The following SLC9D1 variants were observed in gnomAD, a reference collection of about 807,000 sequenced individuals.
The protein encoded by SLC9D1 is putative LAG1-interacting protein.
the SLC9D1 span, among the ~76,000 whole-genome samples, chr13:113,548,035 CG>C: frequency 4.8e-5 from 1 of 20,622 alleles, no homozygotes; most frequent in Non-Finnish European, 1.3e-4. Flanking sequence ...GGGGCGGGGG[CG>C]GGGGGGCTTG....
chr13:113,511,859 G>C, the SLC9D1 span: 1 of 152,334 alleles, frequency 6.6e-6, no homozygotes, highest in Non-Finnish European at 1.5e-5. Context: ...CTTATGGACA[G>C]AGAAGCTTCA....
At chr13:113,512,021 G>C in the SLC9D1 span, 1 of 146,000 alleles carries the variant, frequency 6.8e-6, no homozygotes, top group African/African-American at 2.6e-5. Context: ...CGCGGGGGCC[G>C]GGACTGGAGA....
chr13:113,530,233 T>C, the SLC9D1 span: 1 of 152,206 alleles, frequency 6.6e-6, no homozygotes, highest in East Asian at 1.9e-4. Flanking sequence ...GAGGAAGTGC[T>C]GATGGGTACA....
the SLC9D1 span, among the ~76,000 whole-genome samples, chr13:113,494,658 A>G: frequency 6.6e-6 from 1 of 151,142 alleles, no homozygotes; most frequent in Admixed American, 6.6e-5. Flanking sequence ...ATTGTGGCAT[A>G]TATATATATA....
the SLC9D1 span, among the ~76,000 whole-genome samples, chr13:113,496,272 T>C: frequency 6.6e-6 from 1 of 152,246 alleles, no homozygotes; most frequent in East Asian, 1.9e-4. Flanking sequence ...CTCTTACTTC[T>C]AGAAGGAGCC....
At chr13:113,521,904 C>T in the SLC9D1 span, among the ~76,000 whole-genome samples, 1 of 152,140 alleles carries the variant, frequency 6.6e-6, no homozygotes. Flanking sequence ...TGCTTTAGAT[C>T]TAATCTCCAG....
At chr13:113,515,833 G>T in the SLC9D1 span, among the ~76,000 whole-genome samples, 1 of 144,750 alleles carries the variant, frequency 6.9e-6, no homozygotes, top group Non-Finnish European at 1.5e-5. Flanking sequence ...AGAGTTTGCA[G>T]TGAGCCGAGA....
the SLC9D1 span, chr13:113,499,893 G>C: frequency 1.0e-6 from 1 of 993,834 alleles, no homozygotes; most frequent in Non-Finnish European, 1.4e-6. Context: ...TCTGTTTAGC[G>C]TTCATTCTCC....
At chr13:113,541,378 C>A in the SLC9D1 span, among the ~76,000 whole-genome samples, 1 of 126,720 alleles carries the variant, frequency 7.9e-6, no homozygotes, top group African/African-American at 3.2e-5. Flanking sequence ...TATTACTGCC[C>A]AGATGTGTGG....
At chr13:113,500,770 A>G in the SLC9D1 span, among the ~76,000 whole-genome samples, 1 of 152,324 alleles carries the variant, frequency 6.6e-6, no homozygotes, top group African/African-American at 2.4e-5. Flanking sequence ...AGGTTTGTAC[A>G]GGAGCAGAAA....
chr13:113,493,527 ATTGT>A, the SLC9D1 span, among the ~76,000 whole-genome samples: 1 of 152,188 alleles, frequency 6.6e-6, no homozygotes, highest in Admixed American at 6.5e-5. Context: ...TGATTGCCTC[ATTGT>A]TTGTTTTTAA....
chr13:113,514,419 T>C, the SLC9D1 span: 2 of 152,202 alleles, frequency 1.3e-5, no homozygotes, highest in Non-Finnish European at 2.9e-5. Flanking sequence ...ACCTAAATGA[T>C]GAACAAAAAG....
At chr13:113,545,087 C>T in the SLC9D1 span, among the ~76,000 whole-genome samples, 2 of 152,358 alleles carry the variant, frequency 1.3e-5, no homozygotes, top group Admixed American at 6.5e-5. Flanking sequence ...TGGGAGCTGC[C>T]TTGCTGTTGG....
chr13:113,544,268 C>T, the SLC9D1 span, among the ~76,000 whole-genome samples: 4 of 152,208 alleles, frequency 2.6e-5, no homozygotes, highest in Admixed American at 6.5e-5. Context: ...GCTTCTGAGT[C>T]GAGGCTGCAT....
At chr13:113,549,813 C>CTTT in the SLC9D1 span, 1 of 477,386 alleles carries the variant, frequency 2.1e-6, no homozygotes, top group South Asian at 2.8e-5. Flanking sequence ...CTGGATGTGC[C>CTTT]TTTTTTTTTT....
the SLC9D1 span, among the ~76,000 whole-genome samples, chr13:113,501,017 A>C: frequency 2.0e-5 from 3 of 152,098 alleles, no homozygotes; most frequent in Non-Finnish European, 4.4e-5. Flanking sequence ...CCTGCTCCTC[A>C]CTGACCTTCA....
chr13:113,537,450 G>A, the SLC9D1 span, among the ~76,000 whole-genome samples: 6 of 152,342 alleles, frequency 3.9e-5, no homozygotes, highest in East Asian at 9.7e-4. Flanking sequence ...AGGCCTGGCC[G>A]CGTCGCCGTG....
At chr13:113,525,619 C>T in the SLC9D1 span, among the ~76,000 whole-genome samples, 310 of 108,326 alleles carry the variant, frequency 2.9e-3, 3 homozygotes, top group African/African-American at 0.014. Context: ...TCATAGCAGA[C>T]GACAGCTCTG....
At chr13:113,524,080 T>C in the SLC9D1 span, 5 of 455,484 alleles carry the variant, frequency 1.1e-5, no homozygotes, top group South Asian at 6.2e-5. Flanking sequence ...GAAAAAAAAG[T>C]GTATTCTGTT....
Sources: gnomAD v4.1 joint callset for allele counts (sites outside exome capture counted in the v4.1 genomes callset) on GRCh38, gnomAD v4.1.1 for gene constraint, MANE v1.5 for transcripts, NCBI Gene and HGNC (gene_info 2026-07-23, HGNC 2026-07-21) for gene names.